Variants in FAM186A observed in about 807,000 individuals in gnomAD.
FAM186A encodes family with sequence similarity 186 member A, also known as protein FAM186A.
A neutral mutation model predicts 216.8 loss-of-function variants in FAM186A; 163 were observed. That is an observed-to-expected ratio of 0.75 (90% CI 0.66 to 0.86). The LOEUF is 0.86. Ranked by LOEUF, FAM186A falls within the 40% of genes least tolerant of loss-of-function variation. The pLI is 0.00. For synonymous variants in FAM186A, 805 were observed against 1,025.3 expected, an observed-to-expected ratio of 0.79 and a Z score of 4.10; for missense variants, 2,184 against 2,746.2, an observed-to-expected ratio of 0.80 and a Z score of 4.58.
At chr12:50,382,257 A>C (rs1943260240) in intron 1 of FAM186A, among the ~76,000 whole-genome samples, 1 of 149,956 alleles carries the variant, frequency 6.7e-6, no homozygotes. Flanking sequence ...AAAAAAAAAA[A>C]AAAAAAAGAC....
At chr12:50,333,796 A>T in intron 5 of FAM186A, 115 bp downstream of exon 5, 1 of 1,020,366 alleles carries the variant, frequency 9.8e-7, no homozygotes, top group Non-Finnish European at 1.4e-6. Flanking sequence ...GTAATTTGTT[A>T]CAGCAGCCCA....
At chr12:50,368,209 C>T (rs1171464389) in intron 1 of FAM186A, among the ~76,000 whole-genome samples, 1 of 151,564 alleles carries the variant, frequency 6.6e-6, no homozygotes, top group African/African-American at 2.4e-5. Context: ...CGTGACAAGC[C>T]TGGCCAACAT....
At chr12:50,331,399 C>T (rs1001884159) in intron 6 of FAM186A, among the ~76,000 whole-genome samples, 6 of 152,090 alleles carry the variant, frequency 3.9e-5, no homozygotes, top group South Asian at 2.1e-4. Context: ...ACCACTATGC[C>T]GGGCTAATTT....
At chr12:50,361,433 A>C (rs1363403203) in intron 2 of FAM186A, among the ~76,000 whole-genome samples, 1 of 151,108 alleles carries the variant, frequency 6.6e-6, no homozygotes, top group Admixed American at 6.6e-5. Flanking sequence ...TCCTGACCTC[A>C]GGTGATCTGC....
intron 4 of FAM186A, among the ~76,000 whole-genome samples, chr12:50,340,756 AAT>A (rs1215042297): frequency 6.6e-6 from 1 of 151,520 alleles, no homozygotes; most frequent in Admixed American, 6.6e-5. Context: ...AACTTTCTTC[AAT>A]ATATATGGAA....
At chr12:50,378,649 T>TAC (rs1379495749) in intron 1 of FAM186A, among the ~76,000 whole-genome samples, 42 of 147,116 alleles carry the variant, frequency 2.9e-4, no homozygotes, top group African/African-American at 9.9e-4. Context: ...TACATATATA[T>TAC]ACACACACAC....
At chr12:50,331,007 C>T (rs79669497) in intron 6 of FAM186A, among the ~76,000 whole-genome samples, 2,232 of 152,112 alleles carry the variant, frequency 0.015, 70 homozygotes, top group African/African-American at 0.051. Flanking sequence ...AGCTTCATGG[C>T]GTAGAGAGAC....
In FAM186A at chr12:50,354,148, T is replaced by A. The variant is rs1247017908; in HGVS notation, c.2684A>T (p.Gln895Leu). The change falls in exon 4 of 8, where the codon CAG becomes CTG. Residue 895 changes from glutamine to leucine, a missense_variant. Physicochemically the swap from Gln to Leu is moderately radical, Grantham distance 113. Coordinates refer to ENST00000327337, the MANE Select transcript of FAM186A (RefSeq NM_001145475.3). ...TTGCTCAGCCTGCTTTGGAGTTGCC[T>A]GTTTTTGCTCTTCCTTCCACATCTC... ...EEEMWKEEQK[Q>L]ATPKQAEQEE... 6 of 1,551,746 alleles carry A rather than the reference T, an allele frequency of 3.9e-6. No homozygotes were observed. In the Admixed American group the frequency reaches 5.9e-5, roughly 15 times the overall value.
At chr12:50,363,010 G>C in intron 2 of FAM186A, 135 bp downstream of exon 2, 2 of 737,972 alleles carry the variant, frequency 2.7e-6, no homozygotes, top group Non-Finnish European at 4.2e-6. Context: ...CTGGAATAGA[G>C]GATAACCATT....
intron 1 of FAM186A, among the ~76,000 whole-genome samples, chr12:50,364,589 T>G (rs1230167891): frequency 1.4e-5 from 2 of 146,012 alleles, no homozygotes; most frequent in African/African-American, 2.5e-5. Context: ...AAAATAAAAA[T>G]AAAAATAAAA....
intron 1 of FAM186A, among the ~76,000 whole-genome samples, chr12:50,387,636 A>G (rs963779268): frequency 6.6e-6 from 1 of 152,166 alleles, no homozygotes; most frequent in Admixed American, 6.6e-5. Context: ...CATAGTGCAT[A>G]TGGAAGGCTG....
At chr12:50,362,743 CAAAAAAAAAAAAA>C (rs10654604) in intron 2 of FAM186A, among the ~76,000 whole-genome samples, 4 of 85,920 alleles carry the variant, frequency 4.7e-5, no homozygotes, top group Admixed American at 2.9e-4. Flanking sequence ...GAACCTGTCT[CAAAAAAAAAAAAA>C]AAAAAAAAAA....
chr12:50,346,663 C>T (rs185527503), intron 4 of FAM186A, among the ~76,000 whole-genome samples: 1,606 of 151,910 alleles, frequency 0.011, 25 homozygotes, highest in African/African-American at 0.035. Context: ...CTGGCTAACA[C>T]GGTGAAACCC....
rs528079117 is a variant in FAM186A at position 50,337,895 on chromosome 12, AAAAC to A, written c.6504-3796_6504-3793del. ...TGGCGACAGAGCAAGACTTCGTCTA[AAAAC>A]AAACAAACAAACAAATAAACAAACA... On this transcript the variant is annotated intron_variant, in intron 4 of 7. Transcript: ENST00000327337. Among the ~76,000 whole-genome samples the A allele has an allele frequency of 3.0e-3, 360 of 119,286 alleles. 1 individual carries two copies. Among genetic ancestry groups the A allele is most frequent in the African/African-American group, 0.011 (347 of 32,962 alleles). The allele number at this position is 119,286 out of a possible 152,430, so 78.3% of individuals were successfully genotyped here.
intron 7 of FAM186A, among the ~76,000 whole-genome samples, chr12:50,329,891 T>G (rs1470508350): frequency 6.6e-6 from 1 of 152,202 alleles, no homozygotes; most frequent in African/African-American, 2.4e-5. Context: ...CCACCACACC[T>G]GGCCTAACAC....
At chr12:50,365,599 A>AG in intron 1 of FAM186A, 1 of 534,118 alleles carries the variant, frequency 1.9e-6, no homozygotes, top group Non-Finnish European at 3.4e-6. Context: ...GAGTAAGATA[A>AG]GTGTGTAGTT....
intron 1 of FAM186A, among the ~76,000 whole-genome samples, chr12:50,372,471 G>C (rs1156748791): frequency 1.3e-5 from 2 of 151,938 alleles, no homozygotes; most frequent in East Asian, 3.9e-4. Flanking sequence ...GTGGGCACCT[G>C]TAATCCCAGC....
intron 1 of FAM186A, among the ~76,000 whole-genome samples, chr12:50,395,799 TTGCCCAGGCTGGAG>T (rs1943406752): frequency 6.6e-6 from 1 of 152,134 alleles, no homozygotes; most frequent in Non-Finnish European, 1.5e-5. Context: ...TTCGCTTTTG[TTGCCCAGGCTGGAG>T]TGCAATGGTG....
intron 1 of FAM186A, 47 bp from the exon 2 acceptor site, chr12:50,363,411 A>C (rs1943056487): frequency 1.4e-6 from 2 of 1,463,256 alleles, no homozygotes; most frequent in Non-Finnish European, 1.8e-6. Flanking sequence ...GTTTGAAAAG[A>C]AGCTTTGGTC....
Sources: allele counts gnomAD v4.1 joint callset (sites outside exome capture counted in the v4.1 genomes callset), GRCh38; gene constraint gnomAD v4.1.1; transcripts MANE v1.5; gene names NCBI Gene and HGNC (gene_info 2026-07-23, HGNC 2026-07-21).